NEDD4: variants seen among roughly 807,000 people sequenced by gnomAD.
NEDD4 encodes E3 ubiquitin-protein ligase NEDD4.
In NEDD4, 99 loss-of-function variants were observed where a neutral mutation model predicts 144.9. The observed-to-expected ratio is 0.68, with a 90% CI of 0.58 to 0.81. The LOEUF (loss-of-function observed/expected upper bound fraction) is 0.81. Among genes scored for constraint, NEDD4 ranks in the 30% least tolerant of loss-of-function variants. The pLI, the probability that NEDD4 is intolerant of heterozygous loss-of-function variation, is 0.00. For synonymous variants in NEDD4, 318 were observed against 350.6 expected (o/e 0.91, Z 1.04); for missense variants, 985 against 1,065.9 (o/e 0.92, Z 1.06).
chr15:55,896,326 A>AC (rs1269634308), intron 5 of NEDD4, among the ~76,000 whole-genome samples: 1 of 151,990 alleles, frequency 6.6e-6, no homozygotes, highest in African/African-American at 2.4e-5. Flanking sequence ...GGGATTAGAG[A>AC]CATGCACCGG....
At chr15:55,928,987 T>A (rs144663496) in intron 4 of NEDD4, among the ~76,000 whole-genome samples, 1 of 152,300 alleles carries the variant, frequency 6.6e-6, no homozygotes, top group East Asian at 1.9e-4. Context: ...ATTTAAATCA[T>A]AGGTAATAGT....
intron 2 of NEDD4, among the ~76,000 whole-genome samples, chr15:55,964,882 CGGAA>C (rs1423298616): frequency 2.0e-5 from 3 of 151,934 alleles, no homozygotes; most frequent in Non-Finnish European, 4.4e-5. Flanking sequence ...TGCCCTCCCT[CGGAA>C]GTGAGTGAGT....
intron 1 of NEDD4, among the ~76,000 whole-genome samples, chr15:55,992,850 T>C (rs375463297): frequency 4.9e-4 from 75 of 152,294 alleles, no homozygotes; most frequent in African/African-American, 1.8e-3. Flanking sequence ...TATAAAGTAT[T>C]TATACTTTTT....
intron 1 of NEDD4, among the ~76,000 whole-genome samples, chr15:55,974,787 CAT>C (rs1463793699): frequency 1.3e-5 from 2 of 151,066 alleles, no homozygotes; most frequent in Non-Finnish European, 2.9e-5. Flanking sequence ...CAATAAAAGC[CAT>C]ATATGACAGA....
intron 7 of NEDD4, among the ~76,000 whole-genome samples, chr15:55,870,325 T>C (rs1423967187): frequency 6.6e-6 from 1 of 152,134 alleles, no homozygotes; most frequent in Non-Finnish European, 1.5e-5. Context: ...GCCTGATCAG[T>C]GTCTGAAACC....
rs1401100145 is a variant in NEDD4 at position 55,827,929 on chromosome 15, A to G, written c.*1968T>C. The G allele has an allele frequency of 6.6e-6, 1 of 152,154 alleles. No homozygotes were observed. The highest frequency in any genetic ancestry group is 1.5e-5 in the Non-Finnish European group (1 of 68,028). 9.4% of individuals were successfully genotyped at this position (152,154 alleles called of 1,614,324 possible). A position where few individuals can be genotyped will look rare whatever the true frequency, so the allele number is the denominator to read the frequency against. ...TCTCATCTGTCTGGAACTTCTGACA[A>G]TCTGGCATGACAATGAGGGTGGGCA... On this transcript the variant is annotated 3_prime_UTR_variant, in exon 29 of 29. Transcript: ENST00000435532.
chr15:55,972,678 A>G (rs12438400), intron 1 of NEDD4, among the ~76,000 whole-genome samples: 22,595 of 152,156 alleles, frequency 0.15, 1,817 homozygotes, highest in East Asian at 0.32. Flanking sequence ...TAAACTCTCC[A>G]ATCAAAAGAC....
At chr15:55,898,179 C>T (rs2035797222) in intron 5 of NEDD4, among the ~76,000 whole-genome samples, 1 of 152,126 alleles carries the variant, frequency 6.6e-6, no homozygotes, top group Non-Finnish European at 1.5e-5. Context: ...AAAATAATTC[C>T]TAAGTTTTTC....
intron 2 of NEDD4, among the ~76,000 whole-genome samples, chr15:55,957,673 G>GTA (rs2037359528): frequency 6.6e-6 from 1 of 152,176 alleles, no homozygotes; most frequent in Admixed American, 6.5e-5. Context: ...ACATGCACAT[G>GTA]TATGTTTATT....
Position 55,916,521 on chromosome 15 carries a change from T to C in NEDD4, c.291+8125A>G, listed in dbSNP as rs373763592. ...AGCATCATCACTATCAGCTAAGACA[T>C]TGCTAGACTGAAGATATCCACTGTA... On this transcript the variant is annotated intron_variant, in intron 5 of 28. Transcript: ENST00000435532. 5.0e-6 allele frequency: 8 copies of C among 1,613,946 alleles called. No homozygotes were observed. In the African/African-American group the frequency reaches 5.3e-5, roughly 11 times the overall value.
At position 55,917,961 on chromosome 15, in the gene NEDD4, A is replaced by C. The variant is rs114401399; in HGVS notation, c.291+6685T>G. On this transcript the variant is annotated intron_variant, in intron 5 of 28. Coordinates refer to ENST00000435532, the MANE Select transcript of NEDD4 (RefSeq NM_006154.4). ...AGTCTAAAAAGGATTTAGCACATCA[A>C]ATAAACATGTCTCAATGCCAATTCT... Among the ~76,000 whole-genome samples, 1,374 of 152,290 alleles carry C rather than the reference A, an allele frequency of 9.0e-3. 10 individuals are homozygous for C. Among genetic ancestry groups the C allele is most frequent in the African/African-American group, 0.029 (1,204 of 41,574 alleles).
At chr15:55,910,762 A>G (rs1417302982) in intron 5 of NEDD4, among the ~76,000 whole-genome samples, 1 of 151,948 alleles carries the variant, frequency 6.6e-6, no homozygotes. Context: ...CACCCTCCCA[A>G]TCTGGCCCCT....
intron 2 of NEDD4, among the ~76,000 whole-genome samples, chr15:55,958,347 T>C (rs538985512): frequency 7.2e-5 from 11 of 152,350 alleles, no homozygotes; most frequent in Non-Finnish European, 1.2e-4. Flanking sequence ...TTTTTTAATG[T>C]TGAACAAACC....
At chr15:55,884,232 T>A (rs1457197289) in intron 5 of NEDD4, among the ~76,000 whole-genome samples, 1 of 152,140 alleles carries the variant, frequency 6.6e-6, no homozygotes, top group African/African-American at 2.4e-5. Context: ...GGGCTTGGAA[T>A]GTCCCCTAAC....
At chr15:55,916,098 A>C in intron 5 of NEDD4, 3 of 1,613,892 alleles carry the variant, frequency 1.9e-6, no homozygotes, top group Middle Eastern at 1.6e-4. Context: ...CATAATCTCT[A>C]ATCCATGTTC....
At chr15:55,891,959 G>T (rs2035582977) in intron 5 of NEDD4, among the ~76,000 whole-genome samples, 1 of 152,012 alleles carries the variant, frequency 6.6e-6, no homozygotes, top group Non-Finnish European at 1.5e-5. Context: ...GCTTTAAAAA[G>T]AGTTTCTATT....
At chr15:55,941,970 G>T (rs1418700819) in intron 4 of NEDD4, among the ~76,000 whole-genome samples, 1 of 152,104 alleles carries the variant, frequency 6.6e-6, no homozygotes, top group Non-Finnish European at 1.5e-5. Context: ...CATATAAAAA[G>T]AATATACACT....
rs539580549 is a variant in NEDD4, at chr15:55,856,118, G to A, written c.1026+13C>T. ...TATATTTTTATTGATTGATGGGAGA[G>A]GGTAAAACTCACCACAGGAAGTGTA... is the stretch of plus-strand genomic sequence containing the variant. On this transcript the variant is annotated intron_variant, in intron 12 of 28. Transcript: ENST00000435532. The A allele has an allele frequency of 1.9e-6, 3 of 1,603,760 alleles. No homozygotes were observed. Among genetic ancestry groups the A allele is most frequent in the Non-Finnish European group, 2.6e-6 (3 of 1,170,842 alleles).
At chr15:55,853,458 T>C (rs1383968809) in intron 12 of NEDD4, among the ~76,000 whole-genome samples, 1 of 152,362 alleles carries the variant, frequency 6.6e-6, no homozygotes, top group East Asian at 1.9e-4. Context: ...CTTGTTACTA[T>C]ACTTGATCTT....
Sources: allele counts gnomAD v4.1 joint callset (sites outside exome capture counted in the v4.1 genomes callset), GRCh38; gene constraint gnomAD v4.1.1; transcripts MANE v1.5; gene names NCBI Gene and HGNC (gene_info 2026-07-23, HGNC 2026-07-21).